AFAP1: variants seen among roughly 807,000 people sequenced by gnomAD.
AFAP1 encodes actin filament-associated protein 1.
In AFAP1, 75 loss-of-function variants were observed where a neutral mutation model predicts 93.9. That is an observed-to-expected ratio of 0.80 (90% CI 0.66 to 0.97). The LOEUF is 0.97. Ranked by LOEUF, AFAP1 falls within the 50% of genes least tolerant of loss-of-function variation. The probability of loss-of-function intolerance (pLI) is 0.00; values close to 1 mark genes in which losing one functional copy is unlikely to be tolerated. For missense variants in AFAP1, 1,201 were observed against 1,050.8 expected (o/e 1.14, Z -1.98); for synonymous variants, 517 against 430.7 (o/e 1.20, Z -2.48).
chr4:7,818,140 C>T (rs1220848899), intron 7 of AFAP1, among the ~76,000 whole-genome samples: 1 of 152,112 alleles, frequency 6.6e-6, no homozygotes, highest in African/African-American at 2.4e-5. Context: ...GGGCCTCCTC[C>T]AATCATTTCA....
intron 6 of AFAP1, among the ~76,000 whole-genome samples, chr4:7,828,459 TC>T (rs1049341932): frequency 6.6e-6 from 1 of 152,102 alleles, no homozygotes; most frequent in Non-Finnish European, 1.5e-5. Flanking sequence ...TCTCTCAGCC[TC>T]CCCCACAGTT....
At chr4:7,811,249 A>AC (rs1720005542) in intron 8 of AFAP1, among the ~76,000 whole-genome samples, 1 of 147,708 alleles carries the variant, frequency 6.8e-6, no homozygotes, top group South Asian at 2.2e-4. Context: ...GAATCCCTCA[A>AC]CCCGCTGGCT....
intron 1 of AFAP1, among the ~76,000 whole-genome samples, chr4:7,883,512 T>C (rs1717968469): frequency 6.6e-6 from 1 of 152,154 alleles, no homozygotes; most frequent in Admixed American, 6.5e-5. Flanking sequence ...CCACTACTTT[T>C]TAACACTGTA....
intron 4 of AFAP1, among the ~76,000 whole-genome samples, chr4:7,853,025 G>A (rs1186270115): frequency 6.6e-6 from 1 of 152,120 alleles, no homozygotes; most frequent in African/African-American, 2.4e-5. Flanking sequence ...TGCGCTGCTC[G>A]TCTCTACTTG....
At chr4:7,890,738 G>A (rs1718424076) in intron 1 of AFAP1, among the ~76,000 whole-genome samples, 1 of 152,128 alleles carries the variant, frequency 6.6e-6, no homozygotes, top group African/African-American at 2.4e-5. Context: ...AAATCACAAT[G>A]AGATGCCCTG....
At chr4:7,914,843 G>A (rs1454098645) in intron 1 of AFAP1, among the ~76,000 whole-genome samples, 3 of 152,038 alleles carry the variant, frequency 2.0e-5, no homozygotes, top group Non-Finnish European at 4.4e-5. Flanking sequence ...CACCTCCCAG[G>A]TTCCAGAGGT....
At chr4:7,829,977 A>C (rs1007504711) in intron 6 of AFAP1, among the ~76,000 whole-genome samples, 1 of 152,348 alleles carries the variant, frequency 6.6e-6, no homozygotes. Context: ...ATGTCCATAA[A>C]TGGGAGACAG....
At chr4:7,832,041 G>A (rs925458922) in intron 6 of AFAP1, among the ~76,000 whole-genome samples, 4 of 152,190 alleles carry the variant, frequency 2.6e-5, no homozygotes, top group Non-Finnish European at 5.9e-5. Flanking sequence ...TCGCCCACCT[G>A]AGACTCAGGC....
At chr4:7,836,343 G>A (rs1712296256) in intron 6 of AFAP1, among the ~76,000 whole-genome samples, 2 of 152,374 alleles carry the variant, frequency 1.3e-5, no homozygotes, top group South Asian at 4.1e-4. Flanking sequence ...AGCCACTTCT[G>A]TGAAATGCTG....
chr4:7,855,986 C>T (rs28546749), intron 3 of AFAP1, among the ~76,000 whole-genome samples: 61,513 of 151,994 alleles, frequency 0.4, 14,102 homozygotes, highest in Non-Finnish European at 0.51. Flanking sequence ...CAGACGCAGA[C>T]TCTGGGACTC....
intron 14 of AFAP1, 90 bp from the exon 15 acceptor site, chr4:7,774,993 T>G: frequency 2.0e-6 from 3 of 1,474,828 alleles, no homozygotes; most frequent in Non-Finnish European, 2.7e-6. Flanking sequence ...AATACAAAAT[T>G]AGCCAGGCAT....
chr4:7,766,069 T>A (rs1714526557), intron 17 of AFAP1, among the ~76,000 whole-genome samples: 1 of 152,144 alleles, frequency 6.6e-6, no homozygotes, highest in African/African-American at 2.4e-5. Context: ...TTTGTCTAAA[T>A]CAAAAGCTCG....
At chr4:7,861,716 G>C (rs1331311043) in intron 3 of AFAP1, among the ~76,000 whole-genome samples, 2 of 152,226 alleles carry the variant, frequency 1.3e-5, no homozygotes, top group South Asian at 2.1e-4. Context: ...CAGCCATAAA[G>C]CGAATTGAAA....
intron 1 of AFAP1, among the ~76,000 whole-genome samples, chr4:7,916,546 CACTT>C: frequency 6.6e-6 from 1 of 152,234 alleles, no homozygotes; most frequent in South Asian, 2.1e-4. Flanking sequence ...GCATCAAGTC[CACTT>C]ACTATGATAG....
Position 7,924,809 on chromosome 4 carries a change from G to A in AFAP1, c.-3+14847C>T, listed in dbSNP as rs533409578. ...ACAGGAAGCCAGACTCTTCTCTCTC[G>A]ACAACCCAGAAAGCTAAATGACAAC... On this transcript the variant is annotated intron_variant, in intron 1 of 17. Transcript: ENST00000420658. Among the ~76,000 whole-genome samples the A allele has an allele frequency of 3.9e-4, 60 of 152,166 alleles. 1 individual carries two copies. The highest frequency in any genetic ancestry group is 8.5e-4 in the Admixed American group (13 of 15,272).
intron 6 of AFAP1, among the ~76,000 whole-genome samples, chr4:7,821,064 G>A (rs1323416694): frequency 6.6e-6 from 1 of 152,214 alleles, no homozygotes; most frequent in Non-Finnish European, 1.5e-5. Context: ...GTTGCGGTGA[G>A]CCGAGATCGC....
chr4:7,922,067 G>A (rs192479237), intron 1 of AFAP1, among the ~76,000 whole-genome samples: 2 of 152,260 alleles, frequency 1.3e-5, no homozygotes, highest in African/African-American at 4.8e-5. Flanking sequence ...AGGTTGCAGT[G>A]AGCCAAGATC....
intron 1 of AFAP1, among the ~76,000 whole-genome samples, chr4:7,883,775 T>C (rs1717985641): frequency 6.6e-6 from 1 of 152,106 alleles, no homozygotes; most frequent in South Asian, 2.1e-4. Flanking sequence ...AAAACTTACA[T>C]AGGGAAAACT....
chr4:7,934,419 C>G (rs1577372026), intron 1 of AFAP1, among the ~76,000 whole-genome samples: 1 of 152,294 alleles, frequency 6.6e-6, no homozygotes, highest in East Asian at 1.9e-4. Flanking sequence ...AGAACGGTGC[C>G]CCTGCACTTC....
Sources: gnomAD v4.1 joint callset for allele counts (sites outside exome capture counted in the v4.1 genomes callset) on GRCh38, gnomAD v4.1.1 for gene constraint, MANE v1.5 for transcripts, NCBI Gene and HGNC (gene_info 2026-07-23, HGNC 2026-07-21) for gene names.